Variants in MAF observed in about 807,000 individuals in gnomAD.
The protein encoded by MAF is transcription factor Maf.
Under a neutral mutation model 22.0 loss-of-function variants are expected in MAF, and 10 were observed. The ratio of observed to expected loss-of-function variants is 0.45; its 90% CI spans 0.28 to 0.77. The LOEUF (loss-of-function observed/expected upper bound fraction) is 0.77, where lower values mean the gene tolerates loss of function less well. MAF is among the 30% of genes least tolerant of loss of function. MAF has a pLI of 0.12. For synonymous variants in MAF, 337 were observed against 255.8 expected, an observed-to-expected ratio of 1.32 and a Z score of -3.03; for missense variants, 544 against 548.4, an observed-to-expected ratio of 0.99 and a Z score of 0.08.
chr16:79,367,568 G>A, the MAF span, among the ~76,000 whole-genome samples: 1 of 152,194 alleles, frequency 6.6e-6, no homozygotes, highest in Non-Finnish European at 1.5e-5. Context: ...GGGATATATG[G>A]CAGCACTGTC....
At chr16:79,233,556 C>T in the MAF span, among the ~76,000 whole-genome samples, 10 of 152,088 alleles carry the variant, frequency 6.6e-5, no homozygotes, top group Non-Finnish European at 1.3e-4. Context: ...ATGGCAAATA[C>T]ATCAATGGGC....
At chr16:79,458,532 C>T in the MAF span, among the ~76,000 whole-genome samples, 3 of 152,136 alleles carry the variant, frequency 2.0e-5, no homozygotes, top group African/African-American at 7.2e-5. Flanking sequence ...GCCAACTTGA[C>T]TTAACTACGT....
At chr16:79,532,180 C>T in the MAF span, among the ~76,000 whole-genome samples, 2 of 152,152 alleles carry the variant, frequency 1.3e-5, no homozygotes, top group Non-Finnish European at 1.5e-5. Flanking sequence ...AAACTGACCC[C>T]AGTAGTGCAT....
chr16:79,446,937 A>G, the MAF span, among the ~76,000 whole-genome samples: 3 of 152,096 alleles, frequency 2.0e-5, no homozygotes, highest in African/African-American at 7.2e-5. Context: ...AAAAAAAGAG[A>G]GAGAAAAAAA....
the MAF span, among the ~76,000 whole-genome samples, chr16:79,403,080 A>G: frequency 6.6e-6 from 1 of 152,130 alleles, no homozygotes; most frequent in African/African-American, 2.4e-5. Flanking sequence ...AGATGACTTC[A>G]CCTGCATGCC....
chr16:79,565,507 G>T, the MAF span, among the ~76,000 whole-genome samples: 166 of 79,934 alleles, frequency 2.1e-3, no homozygotes, highest in African/African-American at 5.5e-3. Context: ...CACGTGTTGT[G>T]GGGGGGGGGA....
At chr16:79,565,940 A>G in the MAF span, among the ~76,000 whole-genome samples, 1 of 152,138 alleles carries the variant, frequency 6.6e-6, no homozygotes, top group African/African-American at 2.4e-5. Context: ...ACAGCTAGAA[A>G]CTGACAGGAC....
the MAF span, among the ~76,000 whole-genome samples, chr16:79,483,482 G>C: frequency 6.6e-6 from 1 of 151,232 alleles, no homozygotes; most frequent in South Asian, 2.1e-4. Context: ...GACAGGCCCG[G>C]AGGGGAAGCA....
chr16:79,217,986 T>TAAAAAAAAAAAAAAA, the MAF span, among the ~76,000 whole-genome samples: 2 of 52,124 alleles, frequency 3.8e-5, no homozygotes, highest in Admixed American at 3.4e-4. Context: ...GAAGCTTATG[T>TAAAAAAAAAAAAAAA]AAAAAAAAAA....
chr16:79,250,772 T>C, the MAF span, among the ~76,000 whole-genome samples: 1 of 152,216 alleles, frequency 6.6e-6, no homozygotes, highest in East Asian at 1.9e-4. Flanking sequence ...ATTGATTCCA[T>C]GAGCTTCGGT....
the MAF span, among the ~76,000 whole-genome samples, chr16:79,464,900 C>T: frequency 2.0e-5 from 3 of 152,066 alleles, no homozygotes; most frequent in African/African-American, 4.8e-5. Flanking sequence ...TAAAAAGGGC[C>T]ACTAGACTAG....
chr16:79,446,591 G>A, the MAF span, among the ~76,000 whole-genome samples: 2 of 152,154 alleles, frequency 1.3e-5, no homozygotes, highest in Non-Finnish European at 2.9e-5. Context: ...GGGATTGAAG[G>A]CACGTCTCAC....
the MAF span, among the ~76,000 whole-genome samples, chr16:79,234,157 G>C: frequency 6.6e-6 from 1 of 151,934 alleles, no homozygotes; most frequent in Non-Finnish European, 1.5e-5. Flanking sequence ...TTTTCACACT[G>C]TCCTTCACAC....
the MAF span, among the ~76,000 whole-genome samples, chr16:79,486,677 T>G: frequency 1.3e-5 from 2 of 152,250 alleles, no homozygotes; most frequent in Non-Finnish European, 2.9e-5. Flanking sequence ...TAATTGGCTT[T>G]ATGAGTCTCC....
At chr16:79,226,836 A>G in the MAF span, among the ~76,000 whole-genome samples, 1 of 152,184 alleles carries the variant, frequency 6.6e-6, no homozygotes, top group Admixed American at 6.5e-5. Flanking sequence ...CTTGTAAAAC[A>G]TGCCCAGCTG....
the MAF span, among the ~76,000 whole-genome samples, chr16:79,448,881 G>T: frequency 1.2e-3 from 189 of 152,280 alleles, no homozygotes; most frequent in East Asian, 0.019. Context: ...CAGACCTTGG[G>T]GGGAGGCAGG....
At chr16:79,403,229 C>T in the MAF span, among the ~76,000 whole-genome samples, 2 of 152,180 alleles carry the variant, frequency 1.3e-5, no homozygotes, top group Non-Finnish European at 2.9e-5. Context: ...AATGTATGCC[C>T]ATCAAAAGCA....
At chr16:79,365,869 C>T in the MAF span, among the ~76,000 whole-genome samples, 2 of 152,200 alleles carry the variant, frequency 1.3e-5, no homozygotes, top group Non-Finnish European at 2.9e-5. Flanking sequence ...CAATGTGTTT[C>T]CGGAAAACAT....
chr16:79,336,564 C>T, the MAF span, among the ~76,000 whole-genome samples: 351 of 152,294 alleles, frequency 2.3e-3, 5 homozygotes, highest in African/African-American at 7.1e-3. Context: ...TTCTATTCCT[C>T]ATTTCTCTGA....
Sources: allele counts gnomAD v4.1 joint callset (sites outside exome capture counted in the v4.1 genomes callset), GRCh38; gene constraint gnomAD v4.1.1; transcripts MANE v1.5; gene names NCBI Gene and HGNC (gene_info 2026-07-23, HGNC 2026-07-21).